The following FHL5 variants were observed in gnomAD, a reference collection of about 807,000 sequenced individuals.
FHL5 encodes the protein four and a half LIM domains protein 5.
Under a neutral mutation model 32.0 loss-of-function variants are expected in FHL5, and 33 were observed. The observed-to-expected ratio is 1.03, with a 90% CI of 0.78 to 1.38. The LOEUF (loss-of-function observed/expected upper bound fraction) is 1.38, where lower values mean the gene tolerates loss of function less well. FHL5 is among the 40% of genes most tolerant of loss of function. FHL5 has a pLI of 0.00. For synonymous variants in FHL5, 114 were observed against 113.6 expected (o/e 1.00, Z -0.02); for missense variants, 336 against 343.9 (o/e 0.98, Z 0.18).
intron 1 of FHL5, among the ~76,000 whole-genome samples, chr6:96,578,880 T>A (rs1035324617): frequency 2.4e-4 from 36 of 151,988 alleles, no homozygotes; most frequent in Non-Finnish European, 1.0e-4. Context: ...TAAAAATTGA[T>A]TTGGATTAGT....
intron 1 of FHL5, among the ~76,000 whole-genome samples, chr6:96,583,760 A>G (rs1582463961): frequency 6.6e-6 from 1 of 150,646 alleles, no homozygotes. Flanking sequence ...AAAGTAAAAA[A>G]CTCTCCCTGC....
chr6:96,603,516 T>C lies in FHL5; in HGVS notation c.-12-86T>C. 9.4e-6 allele frequency: 9 copies of C among 954,362 alleles called. No homozygotes were observed. The South Asian group carries it at 1.4e-4, about 14-fold the overall frequency. The allele number at this position is 954,362 out of a possible 1,614,324, so 59.1% of individuals were successfully genotyped here. The stretch of plus-strand genomic sequence containing the variant: ...AGAAAATATAAGTTCATTCAAATGC[T>C]TCACTCACATTATATTAAGGTTTCA... On this transcript the variant is annotated intron_variant, in intron 1 of 5. Transcript: ENST00000450218.
intron 5 of FHL5, among the ~76,000 whole-genome samples, chr6:96,612,455 G>C (rs1771430788): frequency 6.6e-6 from 1 of 152,152 alleles, no homozygotes; most frequent in African/African-American, 2.4e-5. Context: ...GGCTAATACT[G>C]ATCTGCAAAA....
At chr6:96,572,460 A>C (rs1346746187) in intron 1 of FHL5, among the ~76,000 whole-genome samples, 1 of 151,976 alleles carries the variant, frequency 6.6e-6, no homozygotes, top group African/African-American at 2.4e-5. Context: ...TTAACAGCAC[A>C]TATTGGGGAT....
intron 1 of FHL5, among the ~76,000 whole-genome samples, chr6:96,602,808 A>T (rs1337633937): frequency 6.6e-6 from 1 of 150,808 alleles, no homozygotes; most frequent in Non-Finnish European, 1.5e-5. Context: ...GCCTGAAGGA[A>T]CCCATTGTTG....
chr6:96,609,230 G>A (rs922684920), intron 4 of FHL5, among the ~76,000 whole-genome samples: 2 of 152,004 alleles, frequency 1.3e-5, no homozygotes, highest in East Asian at 1.9e-4. Flanking sequence ...TTTTGAGTTC[G>A]TAAACAACGA....
chr6:96,568,963 C>G (rs904865658), intron 1 of FHL5, among the ~76,000 whole-genome samples: 2 of 151,206 alleles, frequency 1.3e-5, no homozygotes, highest in African/African-American at 4.8e-5. Context: ...TTTATGTATG[C>G]TTTTCTTTCT....
At chr6:96,608,776 A>T (rs1282272347) in intron 4 of FHL5, among the ~76,000 whole-genome samples, 1 of 152,206 alleles carries the variant, frequency 6.6e-6, no homozygotes, top group Non-Finnish European at 1.5e-5. Flanking sequence ...AACCAAGCTT[A>T]GATATTAGAC....
chr6:96,616,658 G>T lies in FHL5; in HGVS notation c.*886G>T, dbSNP rs941859361. On this transcript the variant is annotated 3_prime_UTR_variant, in exon 6 of 6. Transcript: ENST00000450218. ...TCTTCACTTGTGGAAATGAGTTTTA[G>T]GGAAGGGATTGAGTCTTGGAACATG... The T allele has an allele frequency of 1.3e-5, 2 of 152,184 alleles. No individual in the cohort carries two copies. Among genetic ancestry groups the T allele is most frequent in the Non-Finnish European group, 2.9e-5 (2 of 68,028 alleles). The allele number at this position is 152,184 out of a possible 1,614,324, so 9.4% of individuals were successfully genotyped here. A position where few individuals can be genotyped will look rare whatever the true frequency, so the allele number is the denominator to read the frequency against.
In FHL5 at chr6:96,603,788, A is replaced by G. The variant is rs1384193354; in HGVS notation, c.159+16A>G. 6 of 1,596,980 alleles carry G rather than the reference A, an allele frequency of 3.8e-6. No individual in the cohort carries two copies. In the South Asian group the frequency reaches 4.5e-5, roughly 12 times the overall value. ...TGATTCTAAGGTAAGTCTCACCTCAATTTACAGAATTACTGCCTATGAACA... is the reference window on the plus strand; with the variant it reads ...TGATTCTAAGGTAAGTCTCACCTCAGTTTACAGAATTACTGCCTATGAACA... On this transcript the variant is annotated intron_variant, in intron 2 of 5. Transcript: ENST00000450218.
intron 1 of FHL5, among the ~76,000 whole-genome samples, chr6:96,590,330 T>C (rs1012334280): frequency 6.6e-6 from 1 of 152,038 alleles, no homozygotes; most frequent in African/African-American, 2.4e-5. Flanking sequence ...TTTCAAAGTC[T>C]TATAATTTTC....
chr6:96,576,034 C>A (rs1770577800), intron 1 of FHL5, among the ~76,000 whole-genome samples: 1 of 152,174 alleles, frequency 6.6e-6, no homozygotes, highest in Admixed American at 6.5e-5. Context: ...AGACCACTCC[C>A]CTGCTCATGC....
intron 1 of FHL5, among the ~76,000 whole-genome samples, chr6:96,565,207 G>C (rs1157348692): frequency 6.6e-6 from 1 of 152,034 alleles, no homozygotes; most frequent in Non-Finnish European, 1.5e-5. Context: ...ACTTTCACAT[G>C]GGCTAATTAC....
intron 1 of FHL5, among the ~76,000 whole-genome samples, chr6:96,594,786 T>C (rs1771001493): frequency 6.6e-6 from 1 of 151,968 alleles, no homozygotes; most frequent in Admixed American, 6.6e-5. Flanking sequence ...TCTATTTCTA[T>C]GTTTAGAGTT....
intron 1 of FHL5, among the ~76,000 whole-genome samples, chr6:96,585,875 A>C (rs947087982): frequency 1.3e-5 from 2 of 152,222 alleles, no homozygotes; most frequent in African/African-American, 4.8e-5. Context: ...AATCTATAGC[A>C]GGAAAGTAAT....
At chr6:96,609,231 T>A (rs1029404605) in intron 4 of FHL5, among the ~76,000 whole-genome samples, 2 of 152,186 alleles carry the variant, frequency 1.3e-5, no homozygotes, top group African/African-American at 2.4e-5. Flanking sequence ...TTTGAGTTCG[T>A]AAACAACGAG....
At position 96,604,915 on chromosome 6, in the gene FHL5, A is replaced by C; in HGVS notation, c.325A>C (p.Ile109Leu). The C allele has an allele frequency of 6.2e-7, 1 of 1,606,350 alleles. No homozygotes were observed. Among genetic ancestry groups the C allele is most frequent in the Non-Finnish European group, 8.5e-7 (1 of 1,175,648 alleles). The change falls in exon 3 of 6, where the codon ATC becomes CTC. Residue 109 changes from isoleucine (I) to leucine (L), a missense_variant. Physicochemically the swap from Ile to Leu is conservative, Grantham distance 5. Coordinates refer to ENST00000450218, the MANE Select transcript of FHL5 (RefSeq NM_001322466.2). ...SSKCFHCKRT[I>L]MPGSRKMEFK... ...CAAGTGCTTCCACTGCAAGAGGACCATCATGCCTGGTAGGGTCTCAAGGGG... is the reference window on the plus strand; with the variant it reads ...CAAGTGCTTCCACTGCAAGAGGACCCTCATGCCTGGTAGGGTCTCAAGGGG...
chr6:96,574,467 A>T (rs1390511196), intron 1 of FHL5, among the ~76,000 whole-genome samples: 1 of 152,216 alleles, frequency 6.6e-6, no homozygotes, highest in Non-Finnish European at 1.5e-5. Flanking sequence ...TATGAACACC[A>T]ATATTTAAAT....
intron 1 of FHL5, among the ~76,000 whole-genome samples, chr6:96,603,074 A>G (rs1771191039): frequency 6.6e-6 from 1 of 152,222 alleles, no homozygotes; most frequent in South Asian, 2.1e-4. Context: ...GTAAATGTGC[A>G]GAGCCCTTAT....
Sources: gnomAD v4.1 joint callset for allele counts (sites outside exome capture counted in the v4.1 genomes callset) on GRCh38, gnomAD v4.1.1 for gene constraint, MANE v1.5 for transcripts, NCBI Gene and HGNC (gene_info 2026-07-23, HGNC 2026-07-21) for gene names.